The following IL1RAPL2 variants were observed in gnomAD, a reference collection of about 807,000 sequenced individuals.
IL1RAPL2 encodes the protein interleukin 1 receptor accessory protein like 2.
IL1RAPL2 carries 3 observed loss-of-function variants against 44.1 expected under a neutral mutation model. The observed-to-expected ratio is 0.07, with a 90% confidence interval of 0.03 to 0.18. The LOEUF is 0.18. IL1RAPL2 is among the 10% of genes least tolerant of loss of function. IL1RAPL2 has a pLI of 1.00. For synonymous variants in IL1RAPL2, 181 were observed against 178.8 expected (o/e 1.01, Z -0.10); for missense variants, 391 against 496.4 (o/e 0.79, Z 2.02).
intron 2 of IL1RAPL2, among the ~76,000 whole-genome samples, chrX:104,735,660 G>T (rs760280944): frequency 9.8e-5 from 11 of 111,689 alleles, no homozygotes; most frequent in African/African-American, 2.9e-4. Flanking sequence ...AATGTGAATT[G>T]CTTTGTCTTT....
chrX:104,900,338 T>C (rs1207220337), intron 2 of IL1RAPL2, among the ~76,000 whole-genome samples: 1 of 111,570 alleles, frequency 9.0e-6, no homozygotes, highest in Non-Finnish European at 1.9e-5. Context: ...TCAGATACAT[T>C]AATGCATGTT....
chrX:105,077,431 T>C (rs1371863020), intron 2 of IL1RAPL2, among the ~76,000 whole-genome samples: 1 of 112,093 alleles, frequency 8.9e-6, no homozygotes, highest in Non-Finnish European at 1.9e-5. Context: ...TCTGATGGGC[T>C]TCCCTTTGTG....
At chrX:104,871,962 T>C (rs1180404315) in intron 2 of IL1RAPL2, among the ~76,000 whole-genome samples, 1 of 111,988 alleles carries the variant, frequency 8.9e-6, no homozygotes, top group Non-Finnish European at 1.9e-5. Context: ...CCTAAAGGAC[T>C]CATGGTAGTC....
intron 2 of IL1RAPL2, among the ~76,000 whole-genome samples, chrX:104,818,789 G>A (rs1322289223): frequency 1.7e-5 from 1 of 57,150 alleles, no homozygotes; most frequent in Non-Finnish European, 3.2e-5. Flanking sequence ...TATAGTGGAT[G>A]TTTATATTGC....
chrX:105,295,745 A>G (rs143397689), intron 5 of IL1RAPL2, among the ~76,000 whole-genome samples: 1,651 of 111,895 alleles, frequency 0.015, 34 homozygotes, highest in African/African-American at 0.051. Context: ...ATTTATTACT[A>G]TGGCTTGTGG....
At chrX:104,683,476 G>A (rs1468211968) in intron 2 of IL1RAPL2, among the ~76,000 whole-genome samples, 3 of 111,970 alleles carry the variant, frequency 2.7e-5, no homozygotes, top group Admixed American at 9.5e-5. Flanking sequence ...GCAGAATGAC[G>A]GGGACTTTGG....
At chrX:104,599,853 A>G (rs1928842942) in intron 1 of IL1RAPL2, among the ~76,000 whole-genome samples, 1 of 111,125 alleles carries the variant, frequency 9.0e-6, no homozygotes, top group South Asian at 3.8e-4. Context: ...TCCCTTTGTG[A>G]GATGTGAGTT....
intron 1 of IL1RAPL2, among the ~76,000 whole-genome samples, chrX:104,576,845 A>G (rs1414210576): frequency 1.8e-5 from 2 of 111,669 alleles, no homozygotes; most frequent in African/African-American, 3.3e-5. Flanking sequence ...CAACATCTCT[A>G]TGGCTGAACT....
chrX:104,861,806 A>G (rs767869245), intron 2 of IL1RAPL2, among the ~76,000 whole-genome samples: 31 of 112,046 alleles, frequency 2.8e-4, no homozygotes, highest in Non-Finnish European at 5.1e-4. Flanking sequence ...AATGGCTGTT[A>G]TACTGTGTTT....
In IL1RAPL2 at chrX:105,699,695, A is replaced by G. The variant is rs765373478; in HGVS notation, c.773-17672A>G. Among the ~76,000 whole-genome samples, 10 of 111,625 alleles carry G rather than the reference A, an allele frequency of 9.0e-5. No homozygotes were observed. The Middle Eastern group carries it at 0.019, about 207-fold the overall frequency. On this transcript the variant is annotated intron_variant, in intron 6 of 10. Coordinates refer to ENST00000372582, the MANE Select transcript of IL1RAPL2 (RefSeq NM_017416.2). ...CTCTGCTTTCCCTGTGACCTTCTCA[A>G]GAGTCCTAGTACAAAGCTAGATGCA... is the stretch of plus-strand genomic sequence containing the variant.
chrX:105,365,766 GT>G (rs2035289215), intron 5 of IL1RAPL2, among the ~76,000 whole-genome samples: 1 of 110,152 alleles, frequency 9.1e-6, no homozygotes, highest in Non-Finnish European at 1.9e-5. Context: ...TTAGGATTTT[GT>G]TTGTATTTTC....
At chrX:105,106,684 C>T (rs1232316820) in intron 2 of IL1RAPL2, among the ~76,000 whole-genome samples, 1 of 110,812 alleles carries the variant, frequency 9.0e-6, no homozygotes, top group Non-Finnish European at 1.9e-5. Flanking sequence ...ATAAAATAGT[C>T]GTGCTGAGGA....
chrX:105,442,886 A>G (rs7886916), intron 5 of IL1RAPL2, among the ~76,000 whole-genome samples: 23,877 of 110,348 alleles, frequency 0.22, 6,381 homozygotes, highest in African/African-American at 0.75. Flanking sequence ...GACCAGCCTG[A>G]CCAACATGGT....
chrX:104,630,826 T>C (rs1929627796), intron 1 of IL1RAPL2, among the ~76,000 whole-genome samples: 1 of 101,425 alleles, frequency 9.9e-6, no homozygotes, highest in African/African-American at 4.2e-5. Context: ...TTCATTAGTG[T>C]TTTTTTTTTC....
At chrX:104,633,120 T>C (rs1283280966) in intron 1 of IL1RAPL2, among the ~76,000 whole-genome samples, 1 of 111,922 alleles carries the variant, frequency 8.9e-6, no homozygotes, top group Non-Finnish European at 1.9e-5. Context: ...TGTCTTTGGT[T>C]CTGTTTATAT....
chrX:105,157,966 A>T (rs2033283536), intron 2 of IL1RAPL2, among the ~76,000 whole-genome samples: 2 of 112,112 alleles, frequency 1.8e-5, no homozygotes, highest in African/African-American at 6.5e-5. Flanking sequence ...CAACTTGTTT[A>T]AAAAAAGAGT....
intron 2 of IL1RAPL2, among the ~76,000 whole-genome samples, chrX:104,867,096 G>A (rs1922636633): frequency 9.2e-6 from 1 of 108,832 alleles, no homozygotes; most frequent in South Asian, 4.1e-4. Context: ...AATTAGCCGG[G>A]CACAGTGGTG....
chrX:105,648,912 G>A (rs933116610), intron 6 of IL1RAPL2, among the ~76,000 whole-genome samples: 9 of 111,292 alleles, frequency 8.1e-5, no homozygotes, highest in Middle Eastern at 4.3e-3. Flanking sequence ...AGAGCCCTAG[G>A]CTGAAGGCAA....
intron 5 of IL1RAPL2, among the ~76,000 whole-genome samples, chrX:105,387,391 C>T (rs995589241): frequency 9.1e-6 from 1 of 109,617 alleles, no homozygotes; most frequent in African/African-American, 3.3e-5. Flanking sequence ...CACACCACCA[C>T]GCCCGGCTAA....
Sources: gnomAD v4.1 joint callset for allele counts (sites outside exome capture counted in the v4.1 genomes callset) on GRCh38, gnomAD v4.1.1 for gene constraint, MANE v1.5 for transcripts, NCBI Gene and HGNC (gene_info 2026-07-23, HGNC 2026-07-21) for gene names.